The following PLEKHG5 variants were observed in gnomAD, a reference collection of about 807,000 sequenced individuals.
PLEKHG5 encodes pleckstrin homology and RhoGEF domain containing G5.
PLEKHG5 carries 52 observed loss-of-function variants against 103.8 expected under a neutral mutation model. The ratio of observed to expected loss-of-function variants is 0.50; its 90% confidence interval spans 0.40 to 0.63. PLEKHG5 has a LOEUF of 0.63. PLEKHG5 is among the 30% of genes least tolerant of loss of function. The pLI is 0.00. For synonymous variants in PLEKHG5, 592 were observed against 575.5 expected, an observed-to-expected ratio of 1.03 and a Z score of -0.41; for missense variants, 1,205 against 1,347.6, an observed-to-expected ratio of 0.89 and a Z score of 1.66.
At chr1:6,471,939 AGAAGGCTGTACCCTTT>A (rs1286724068) in intron 10 of PLEKHG5, 131 bp from the exon 11 acceptor site, 31 of 906,902 alleles carry the variant, frequency 3.4e-5, no homozygotes, top group Non-Finnish European at 5.0e-5. Flanking sequence ...GCCACGGATA[AGAAGGCTGTACCCTTT>A]GGCCTTCGCA....
upstream of PLEKHG5, chr1:6,496,578 G>A: frequency 5.2e-6 from 8 of 1,542,556 alleles, no homozygotes; most frequent in Non-Finnish European, 7.0e-6. Flanking sequence ...GTCTGCAGGG[G>A]AGGAGCAGAG....
Position 6,475,480 on chromosome 1 carries a change from T to G in PLEKHG5, c.192A>C (p.Ala64=). ...TCCTCACATCCGTGTGTCTCCTCCT[T>G]GCTTTCTTCTTGGAGAGTTTCAGGC... ...STGLKLSKKK[A]RRRHTDDPSK... is the part of the protein sequence containing the mutation. The change falls in exon 4 of 21, where the codon GCA becomes GCC. Residue 64 remains alanine (A), a synonymous_variant. Transcript: ENST00000377728. 1.2e-6 allele frequency: 2 copies of G among 1,613,426 alleles called. No homozygotes were observed. Among genetic ancestry groups the G allele is most frequent in the Non-Finnish European group, 1.7e-6 (2 of 1,179,832 alleles).
At chr1:6,506,573 C>T (rs970417325) in intron 1 of PLEKHG5, among the ~76,000 whole-genome samples, 1 of 152,306 alleles carries the variant, frequency 6.6e-6, no homozygotes, top group South Asian at 2.1e-4. Flanking sequence ...GGCTCCCCAC[C>T]CCTGACCTGT....
rs766598822 is a variant in PLEKHG5 at position 6,467,892 on chromosome 1, T to C, written c.2944A>G (p.Lys982Glu). 5 of 1,610,054 alleles carry C rather than the reference T, an allele frequency of 3.1e-6. No homozygotes were observed. The East Asian group carries it at 1.1e-4, about 36-fold the overall frequency. Reference sequence around the variant, plus strand: ...CGGTAGAGCTGGGCCAGGGTCAGCTTCCTGTGCTGGGCAGAGACCCCTGGT... The same window carrying C: ...CGGTAGAGCTGGGCCAGGGTCAGCTCCCTGTGCTGGGCAGAGACCCCTGGT... ...PPPGVSAQHR[K>E]LTLAQLYRIR... is the part of the protein sequence containing the mutation. Residue 982 changes from lysine (K) to glutamate (E), a missense_variant, in exon 20 of 21, where the codon AAG becomes GAG. Coordinates refer to ENST00000377728, the MANE Select transcript of PLEKHG5 (RefSeq NM_020631.6).
intron 1 of PLEKHG5, among the ~76,000 whole-genome samples, chr1:6,518,471 A>T (rs12739181): frequency 0.83 from 123,552 of 149,132 alleles, 51,888 homozygotes; most frequent in Non-Finnish European, 0.89. Context: ...GAGGCAGGAG[A>T]ATCACTTGAA....
intron 8 of PLEKHG5, 30 bp downstream of exon 8, chr1:6,473,221 G>A (rs1187748304): frequency 6.2e-7 from 1 of 1,612,414 alleles, no homozygotes; most frequent in South Asian, 1.1e-5. Context: ...CCAGCCAGCT[G>A]CCTGACCCTG....
At chr1:6,480,356 C>T (rs1171225696) in intron 1 of PLEKHG5, among the ~76,000 whole-genome samples, 1 of 151,872 alleles carries the variant, frequency 6.6e-6, no homozygotes, top group Non-Finnish European at 1.5e-5. Flanking sequence ...CGGTGAAACC[C>T]CGTCTCTACT....
rs1557762046 is a variant in PLEKHG5 at position 6,490,028 on chromosome 1, G to A, written c.-88+1609C>T. ...CCTGGGTCTGCTCAGACTGCCCGAG[G>A]CGCAGCCTCTGGCGCCCCCTGCCGG... On this transcript the variant is annotated intron_variant, in intron 1 of 20. Coordinates refer to ENST00000377728, the MANE Select transcript of PLEKHG5 (RefSeq NM_020631.6). This position sits in a 1 kb window ranked among gnomAD's most constrained non-coding sequence, Gnocchi z 8.0. Among the ~76,000 whole-genome samples, 1 of 152,168 alleles carries A rather than the reference G, an allele frequency of 6.6e-6. No homozygotes were observed. The highest frequency in any genetic ancestry group is 1.5e-5 in the Non-Finnish European group (1 of 68,020).
intron 1 of PLEKHG5, among the ~76,000 whole-genome samples, chr1:6,489,862 C>T (rs1253425935): frequency 1.3e-5 from 2 of 152,204 alleles, no homozygotes; most frequent in Non-Finnish European, 2.9e-5. Flanking sequence ...TGGTAAAATA[C>T]CCCCGAGCTC....
chr1:6,496,022 C>T (rs1016543308), upstream of PLEKHG5, among the ~76,000 whole-genome samples: 2 of 152,216 alleles, frequency 1.3e-5, no homozygotes, highest in Non-Finnish European at 2.9e-5. Context: ...CCCCTTCCTC[C>T]TTTTGTCATC....
chr1:6,475,443 G>A lies in PLEKHG5; in HGVS notation c.210+19C>T. 6.2e-7 allele frequency: 1 copy of A among 1,611,066 alleles called. No individual in the cohort carries two copies. The highest frequency in any genetic ancestry group is 2.2e-5 in the East Asian group (1 of 44,828). On this transcript the variant is annotated intron_variant, in intron 4 of 20. Transcript: ENST00000377728. ...GGCTGTAGGGAACCCGCATCTGCCG[G>A]CTCTGGGGGGCTCCTCACATCCGTG... is the stretch of plus-strand genomic sequence containing the variant.
Position 6,517,682 on chromosome 1 carries a change from C to T in PLEKHG5, c.-165+1763G>A, listed in dbSNP as rs115643154. On this transcript the variant is annotated intron_variant, in intron 1 of 21. Transcript: ENST00000377740. Reference sequence around the variant, plus strand: ...GCCCTGGGAGGAATTCTCCATGACTCGCTGTCAGCTTCATAAATCTGTCGG... The same window carrying T: ...GCCCTGGGAGGAATTCTCCATGACTTGCTGTCAGCTTCATAAATCTGTCGG... Among the ~76,000 whole-genome samples the T allele has an allele frequency of 9.5e-3, 1,441 of 152,232 alleles. 21 individuals are homozygous for T. The highest frequency in any genetic ancestry group is 0.032 in the African/African-American group (1,329 of 41,526).
chr1:6,490,552 G>T lies in PLEKHG5; in HGVS notation c.-88+1085C>A. ...CGGGGAGAGGGGGACGGGAGCCGCG[G>T]GACGGGCTCAGTCGACTCAGCGCAA... On this transcript the variant is annotated intron_variant, in intron 1 of 20. Coordinates refer to ENST00000377728, the MANE Select transcript of PLEKHG5 (RefSeq NM_020631.6). This position sits in a 1 kb window ranked among gnomAD's most constrained non-coding sequence, Gnocchi z 8.0. The T allele has an allele frequency of 1.0e-6, 1 of 985,438 alleles. No homozygotes were observed. The highest frequency in any genetic ancestry group is 1.2e-6 in the Non-Finnish European group (1 of 829,938). 61.0% of individuals were successfully genotyped at this position (985,438 alleles called of 1,614,324 possible). A position where few individuals can be genotyped will look rare whatever the true frequency, so the allele number is the denominator to read the frequency against.
intron 20 of PLEKHG5, 47 bp downstream of exon 20, chr1:6,467,778 T>A (rs1220087326): frequency 3.7e-6 from 6 of 1,604,038 alleles, no homozygotes; most frequent in East Asian, 4.5e-5. Flanking sequence ...TGGGCCCCCA[T>A]GCCAGTGCCC....
rs559778139 is a variant in PLEKHG5, at chr1:6,469,179, C to T, written c.2112G>A (p.Leu704=). The change falls in exon 19 of 21, where the codon CTG becomes CTA. Residue 704 remains leucine (L), a synonymous_variant. Coordinates refer to ENST00000377728, the MANE Select transcript of PLEKHG5 (RefSeq NM_020631.6). ...PPGSQQPLQS[L]EEEEDEQEEE... ...CCTCCTGCTCATCCTCCTCCTCTTC[C>T]AGGCTCTGCAGGGGCTGCTGACTGC... 3.7e-5 allele frequency: 59 copies of T among 1,613,294 alleles called. No individual in the cohort carries two copies. In the South Asian group the frequency reaches 6.3e-4, roughly 17 times the overall value.
intron 1 of PLEKHG5, among the ~76,000 whole-genome samples, chr1:6,510,901 C>T (rs1442582509): frequency 6.6e-6 from 1 of 152,134 alleles, no homozygotes; most frequent in Non-Finnish European, 1.5e-5. Flanking sequence ...CTAGCCTGGC[C>T]AACATGATGA....
At chr1:6,514,948 G>A (rs554664224) in intron 1 of PLEKHG5, among the ~76,000 whole-genome samples, 3 of 151,984 alleles carry the variant, frequency 2.0e-5, no homozygotes, top group African/African-American at 7.3e-5. Flanking sequence ...CAGTTATTCA[G>A]GAGGCTGAGA....
At position 6,470,329 on chromosome 1, in the gene PLEKHG5, G is replaced by A. The variant is rs1033319065; in HGVS notation, c.1707C>T (p.Asp569=). ...AGGCGCCAGGGATGGGCGCTGTCAAGTCCAGGTGCAGAAATTCCTTCAGGA... is the reference window on the plus strand; with the variant it reads ...AGGCGCCAGGGATGGGCGCTGTCAAATCCAGGTGCAGAAATTCCTTCAGGA... ...DKLLKEFLHL[D]LTAPIPGASP... Residue 569 remains aspartate (D), a synonymous_variant, in exon 16 of 21, where the codon GAC becomes GAT. Coordinates refer to ENST00000377728, the MANE Select transcript of PLEKHG5 (RefSeq NM_020631.6). The A allele has an allele frequency of 5.0e-6, 8 of 1,614,058 alleles. No individual in the cohort carries two copies. The highest frequency in any genetic ancestry group is 6.8e-6 in the Non-Finnish European group (8 of 1,179,996).
chr1:6,516,889 C>CATAT lies in PLEKHG5; in HGVS notation c.-165+2552_-165+2555dup, dbSNP rs777665034. Among the ~76,000 whole-genome samples the CATAT allele has an allele frequency of 3.5e-3, 131 of 37,802 alleles. 1 individual carries two copies. The highest frequency in any genetic ancestry group is 0.016 in the South Asian group (17 of 1,082). 24.8% of individuals were successfully genotyped at this position (37,802 alleles called of 152,430 possible). On this transcript the variant is annotated intron_variant, in intron 1 of 21. Coordinates refer to the PLEKHG5 transcript ENST00000377740. The stretch of plus-strand genomic sequence containing the variant: ...GTGTATATATATATATATATATACA[C>CATAT]ATATATATATATATATACACACACA...
Sources: gnomAD v4.1 joint callset for allele counts (sites outside exome capture counted in the v4.1 genomes callset) on GRCh38, gnomAD v4.1.1 for gene constraint, Gnocchi (gnomAD v3.1) non-coding constraint, MANE v1.5 for transcripts, NCBI Gene and HGNC (gene_info 2026-07-23, HGNC 2026-07-21) for gene names.